PDE4D: variants seen among roughly 807,000 people sequenced by gnomAD.
PDE4D encodes the protein phosphodiesterase 4D, also known as 3',5'-cyclic-AMP phosphodiesterase 4D.
PDE4D carries 24 observed loss-of-function variants against 87.4 expected under a neutral mutation model. The observed-to-expected ratio is 0.27, with a 90% CI of 0.20 to 0.39. The LOEUF (loss-of-function observed/expected upper bound fraction) is 0.39, where lower values mean the gene tolerates loss of function less well. Among genes scored for constraint, PDE4D ranks in the 10% least tolerant of loss-of-function variants. The pLI, the probability that PDE4D is intolerant of heterozygous loss-of-function variation, is 1.00. For missense variants in PDE4D, 714 were observed against 1,041.0 expected (o/e 0.69, Z 4.32); for synonymous variants, 384 against 383.2 (o/e 1.00, Z -0.02).
intron 3 of PDE4D, among the ~76,000 whole-genome samples, chr5:59,185,491 A>G (rs1332622330): frequency 6.6e-6 from 1 of 152,214 alleles, no homozygotes; most frequent in Non-Finnish European, 1.5e-5. Flanking sequence ...ACATGGTGAC[A>G]GTAGCAGCAG....
intron 1 of PDE4D, among the ~76,000 whole-genome samples, chr5:60,512,543 A>G (rs1750624762): frequency 6.6e-6 from 1 of 152,170 alleles, no homozygotes. Flanking sequence ...TCATCCTTTG[A>G]GTTAAATATT....
chr5:59,000,748 G>C (rs866531109), intron 6 of PDE4D, among the ~76,000 whole-genome samples: 7 of 152,178 alleles, frequency 4.6e-5, no homozygotes, highest in African/African-American at 1.2e-4. Context: ...GAGTGCAGTA[G>C]TGCGATCTTG....
chr5:60,117,738 T>A (rs1173934975), intron 2 of PDE4D, among the ~76,000 whole-genome samples: 1 of 151,948 alleles, frequency 6.6e-6, no homozygotes, highest in Non-Finnish European at 1.5e-5. Context: ...AGAGAAGACC[T>A]CTGGCTCATA....
intron 5 of PDE4D, among the ~76,000 whole-genome samples, chr5:59,174,760 T>C (rs1375833147): frequency 1.3e-5 from 2 of 152,294 alleles, no homozygotes; most frequent in Non-Finnish European, 2.9e-5. Flanking sequence ...TTTATTTTAC[T>C]TTATAAAGGT....
At chr5:60,520,096 T>C (rs966849164) in intron 1 of PDE4D, among the ~76,000 whole-genome samples, 1 of 151,864 alleles carries the variant, frequency 6.6e-6, no homozygotes, top group African/African-American at 2.4e-5. Flanking sequence ...CAAATTACAA[T>C]GTACCTTCAC....
At chr5:60,209,860 T>C (rs897684652) in intron 1 of PDE4D, among the ~76,000 whole-genome samples, 1 of 152,184 alleles carries the variant, frequency 6.6e-6, no homozygotes, top group Admixed American at 6.5e-5. Context: ...GTTGGGAAAT[T>C]CTCTGCAATA....
At chr5:59,271,502 T>A (rs1268483598) in intron 1 of PDE4D, among the ~76,000 whole-genome samples, 1 of 152,166 alleles carries the variant, frequency 6.6e-6, no homozygotes, top group Non-Finnish European at 1.5e-5. Context: ...TTATTCCATC[T>A]TTTTGATTCT....
At chr5:60,115,407 T>C (rs180761038) in intron 2 of PDE4D, among the ~76,000 whole-genome samples, 18 of 151,968 alleles carry the variant, frequency 1.2e-4, no homozygotes, top group Admixed American at 3.9e-4. Flanking sequence ...ATTAATTGCA[T>C]TTATTATCAT....
intron 2 of PDE4D, chr5:60,127,455 T>C: frequency 2.4e-6 from 1 of 412,852 alleles, no homozygotes; most frequent in Non-Finnish European, 4.3e-6. Context: ...AAGGCAGCTA[T>C]CACTGTGGTT....
At chr5:59,927,842 GTTC>G (rs1351385799) in intron 3 of PDE4D, among the ~76,000 whole-genome samples, 1 of 152,164 alleles carries the variant, frequency 6.6e-6, no homozygotes, top group Non-Finnish European at 1.5e-5. Flanking sequence ...TTGTCTAGTT[GTTC>G]ACTACTTGAA....
chr5:59,871,735 C>G (rs997476350), intron 1 of PDE4D, among the ~76,000 whole-genome samples: 2 of 152,106 alleles, frequency 1.3e-5, no homozygotes, highest in African/African-American at 4.8e-5. Context: ...GTTTTCATTA[C>G]CTACACCCTC....
At chr5:60,005,908 C>T (rs1015946897) in intron 2 of PDE4D, among the ~76,000 whole-genome samples, 10 of 151,548 alleles carry the variant, frequency 6.6e-5, no homozygotes, top group East Asian at 1.9e-4. Flanking sequence ...ATAATGATTT[C>T]GATCTGTTAA....
intron 1 of PDE4D, among the ~76,000 whole-genome samples, chr5:59,595,058 T>C (rs1464277527): frequency 1.3e-5 from 2 of 152,152 alleles, no homozygotes; most frequent in African/African-American, 4.8e-5. Context: ...ATAAAGTTTT[T>C]ACAAAGTTAC....
At position 60,347,942 on chromosome 5, in the gene PDE4D, C is replaced by T. The variant is rs367815825; in HGVS notation, c.-90+140000G>A. Among the ~76,000 whole-genome samples, 1,150 of 152,208 alleles carry T rather than the reference C, an allele frequency of 7.6e-3. 9 individuals are homozygous for T. Among genetic ancestry groups the T allele is most frequent in the Middle Eastern group, 0.02 (6 of 294 alleles). ...TATTCCCTTCTCAGTTGTTTTCTGC[C>T]GTTTTTGGAGTAATCACAATCAGCC... On this transcript the variant is annotated intron_variant, in intron 1 of 16. Transcript: ENST00000502484.
intron 1 of PDE4D, among the ~76,000 whole-genome samples, chr5:59,442,365 A>T (rs1797763977): frequency 6.6e-6 from 1 of 152,238 alleles, no homozygotes; most frequent in African/African-American, 2.4e-5. Context: ...TAATAGATAA[A>T]CTAGGGACAA....
intron 1 of PDE4D, among the ~76,000 whole-genome samples, chr5:59,764,682 G>GTCTT (rs1231977899): frequency 8.6e-6 from 1 of 116,798 alleles, no homozygotes; most frequent in Non-Finnish European, 1.6e-5. Context: ...TGGTGACAGA[G>GTCTT]TCTTGCTCTG....
chr5:59,404,369 T>C (rs1309170612), intron 1 of PDE4D, among the ~76,000 whole-genome samples: 2 of 152,114 alleles, frequency 1.3e-5, no homozygotes, highest in Non-Finnish European at 2.9e-5. Flanking sequence ...TCAAAAAATC[T>C]TTGCTCAGGC....
Position 59,398,712 on chromosome 5 carries a change from T to A in PDE4D, c.456-182744A>T, listed in dbSNP as rs1215953557. Among the ~76,000 whole-genome samples, 8 of 116,636 alleles carry A rather than the reference T, an allele frequency of 6.9e-5. No homozygotes were observed. The East Asian group carries it at 2.2e-3, about 32-fold the overall frequency. 76.5% of individuals were successfully genotyped at this position (116,636 alleles called of 152,430 possible). A position where few individuals can be genotyped will look rare whatever the true frequency, so the allele number is the denominator to read the frequency against. On this transcript the variant is annotated intron_variant, in intron 1 of 14. Coordinates refer to ENST00000340635, the MANE Select transcript of PDE4D (RefSeq NM_001104631.2). ...CTCTCACCACTCCTATTTAACATAG[T>A]GTTGGAAGTTCTGGCCAGGGCAATT...
chr5:60,106,871 A>C (rs1313042514), intron 2 of PDE4D, among the ~76,000 whole-genome samples: 8 of 151,768 alleles, frequency 5.3e-5, no homozygotes, highest in African/African-American at 1.9e-4. Flanking sequence ...GTGTAGAGGG[A>C]AATTTATAGC....
Sources: gnomAD v4.1 joint callset for allele counts (sites outside exome capture counted in the v4.1 genomes callset) on GRCh38, gnomAD v4.1.1 for gene constraint, MANE v1.5 for transcripts, NCBI Gene and HGNC (gene_info 2026-07-23, HGNC 2026-07-21) for gene names.